RALGPS1: variants seen among roughly 807,000 people sequenced by gnomAD.
RALGPS1 encodes ras-specific guanine nucleotide-releasing factor RalGPS1.
Under a neutral mutation model 78.8 loss-of-function variants are expected in RALGPS1, and 19 were observed. That is an observed-to-expected ratio of 0.24 (90% CI 0.17 to 0.35). The LOEUF (loss-of-function observed/expected upper bound fraction) is 0.35, where lower values mean the gene tolerates loss of function less well. Ranked by LOEUF, RALGPS1 falls within the 10% of genes least tolerant of loss-of-function variation. The pLI is 1.00. For synonymous variants in RALGPS1, 228 were observed against 256.3 expected, an observed-to-expected ratio of 0.89 and a Z score of 1.06; for missense variants, 454 against 688.3, an observed-to-expected ratio of 0.66 and a Z score of 3.81.
At chr9:127,199,811 G>A (rs745809135) in intron 14 of RALGPS1, among the ~76,000 whole-genome samples, 37 of 152,192 alleles carry the variant, frequency 2.4e-4, no homozygotes, top group Non-Finnish European at 1.0e-4. Flanking sequence ...GGCGACTCAG[G>A]GTTTGAGAGG....
chr9:127,088,847 G>A, intron 8 of RALGPS1: 2 of 1,446,708 alleles, frequency 1.4e-6, no homozygotes, highest in South Asian at 1.2e-5. Flanking sequence ...GCCTCAGGAT[G>A]AACTGGTGAG....
At chr9:127,008,870 A>G (rs1026161209) in intron 4 of RALGPS1, among the ~76,000 whole-genome samples, 4 of 152,096 alleles carry the variant, frequency 2.6e-5, no homozygotes, top group African/African-American at 9.7e-5. Context: ...TGCTGCTGCT[A>G]TTTCTTCTCT....
In RALGPS1 at chr9:127,006,759, C is replaced by T. The variant is rs77892436; in HGVS notation, c.217-27672C>T. Among the ~76,000 whole-genome samples, 853 of 152,200 alleles carry T rather than the reference C, an allele frequency of 5.6e-3. 28 individuals are homozygous for T. In the East Asian group the frequency reaches 0.081, roughly 14 times the overall value. ...GCTCAGTGGTGGAGTTAGATATAAA[C>T]CTAGGTGGTCTGGCTCTAGGGTCCA... On this transcript the variant is annotated intron_variant, in intron 4 of 18. Transcript: ENST00000259351.
At chr9:126,929,409 A>G (rs1397763570) in intron 1 of RALGPS1, among the ~76,000 whole-genome samples, 1 of 152,228 alleles carries the variant, frequency 6.6e-6, no homozygotes, top group Non-Finnish European at 1.5e-5. Context: ...GGAGGTGATG[A>G]GGACAAAATA....
chr9:127,009,051 T>C (rs1025606129), intron 4 of RALGPS1, among the ~76,000 whole-genome samples: 1 of 152,228 alleles, frequency 6.6e-6, no homozygotes, highest in African/African-American at 2.4e-5. Context: ...TTGTCACATA[T>C]ACCATTTTTC....
At chr9:127,047,715 G>A (rs1006911277) in intron 5 of RALGPS1, among the ~76,000 whole-genome samples, 1 of 150,626 alleles carries the variant, frequency 6.6e-6, no homozygotes, top group Non-Finnish European at 1.5e-5. Context: ...AAAAAAAAAG[G>A]AAAAAAAGAC....
chr9:127,014,264 A>G (rs1000795909), intron 4 of RALGPS1, among the ~76,000 whole-genome samples: 1 of 152,228 alleles, frequency 6.6e-6, no homozygotes, highest in Non-Finnish European at 1.5e-5. Flanking sequence ...GTATCCCTGT[A>G]TAGATCAAAC....
intron 11 of RALGPS1, among the ~76,000 whole-genome samples, chr9:127,177,605 T>C (rs2140003310): frequency 6.6e-6 from 1 of 152,254 alleles, no homozygotes; most frequent in South Asian, 2.1e-4. Context: ...AGCCCAGGTC[T>C]GCGCTGAGCA....
At chr9:127,001,345 G>A (rs2043292367) in intron 4 of RALGPS1, among the ~76,000 whole-genome samples, 1 of 149,524 alleles carries the variant, frequency 6.7e-6, no homozygotes, top group Non-Finnish European at 1.5e-5. Context: ...TTCTTTTTCT[G>A]ACTTCTTTTT....
chr9:127,220,632 T>G lies in RALGPS1; in HGVS notation c.*1863T>G, dbSNP rs2062748433. The G allele has an allele frequency of 6.6e-6, 1 of 152,232 alleles. No homozygotes were observed. The highest frequency in any genetic ancestry group is 2.4e-5 in the African/African-American group (1 of 41,458). 9.4% of individuals were successfully genotyped at this position (152,232 alleles called of 1,614,324 possible). A position where few individuals can be genotyped will look rare whatever the true frequency, so the allele number is the denominator to read the frequency against. On this transcript the variant is annotated 3_prime_UTR_variant, in exon 19 of 19. Coordinates refer to ENST00000259351, the MANE Select transcript of RALGPS1 (RefSeq NM_014636.3). ...TCAGCATCTAGAGGCTGAATGACAA[T>G]GCCAAACACTCCACCTCTGATCAGA...
intron 4 of RALGPS1, among the ~76,000 whole-genome samples, chr9:126,978,637 T>C (rs1489349773): frequency 6.7e-6 from 1 of 149,800 alleles, no homozygotes; most frequent in Non-Finnish European, 1.5e-5. Context: ...CTGAATAGGC[T>C]GAAGAGGAAT....
chr9:127,207,637 G>T (rs982159892), intron 14 of RALGPS1, among the ~76,000 whole-genome samples: 2 of 152,194 alleles, frequency 1.3e-5, no homozygotes, highest in East Asian at 1.9e-4. Context: ...GACACTTTCG[G>T]TTGTCTGGTT....
At position 126,926,474 on chromosome 9, in the gene RALGPS1, A is replaced by T. The variant is rs1588466415; in HGVS notation, c.-66+11499A>T. ...CAAAGGTACAGAAGCAGGAGGGAGTATGATGTGCTTCAGGGATGGTGGACA... is the reference window on the plus strand; with the variant it reads ...CAAAGGTACAGAAGCAGGAGGGAGTTTGATGTGCTTCAGGGATGGTGGACA... On this transcript the variant is annotated intron_variant, in intron 1 of 18. Coordinates refer to ENST00000259351, the MANE Select transcript of RALGPS1 (RefSeq NM_014636.3). Among the ~76,000 whole-genome samples the T allele has an allele frequency of 1.3e-5, 2 of 152,292 alleles. 1 individual carries two copies. Among genetic ancestry groups the T allele is most frequent in the South Asian group, 4.1e-4 (2 of 4,822 alleles).
At chr9:127,003,659 A>G (rs1309476719) in intron 4 of RALGPS1, among the ~76,000 whole-genome samples, 1 of 151,918 alleles carries the variant, frequency 6.6e-6, no homozygotes, top group African/African-American at 2.4e-5. Context: ...AGCTTAATAG[A>G]TACTGCCAAA....
intron 11 of RALGPS1, among the ~76,000 whole-genome samples, chr9:127,181,924 A>C (rs1363585024): frequency 2.6e-5 from 4 of 151,852 alleles, no homozygotes; most frequent in African/African-American, 7.3e-5. Flanking sequence ...GAGATGTGAA[A>C]TCCCAGAATA....
At position 126,917,207 on chromosome 9, in the gene RALGPS1, T is replaced by C. The variant is rs77937809; in HGVS notation, c.-66+2232T>C. ...CTTGTGTGGCAGGTCCCAGAGGATC[T>C]AGAAGCAGCATGTGAGAGTTCTCCC... On this transcript the variant is annotated intron_variant, in intron 1 of 18. Transcript: ENST00000259351. Among the ~76,000 whole-genome samples the C allele has an allele frequency of 5.7e-3, 863 of 152,280 alleles. 28 individuals are homozygous for C. The East Asian group carries it at 0.083, about 15-fold the overall frequency.
At chr9:127,115,100 A>C (rs2055259077) in intron 8 of RALGPS1, among the ~76,000 whole-genome samples, 1 of 152,200 alleles carries the variant, frequency 6.6e-6, no homozygotes, top group Non-Finnish European at 1.5e-5. Flanking sequence ...GCTGTACTCT[A>C]TCTCATTGGC....
intron 8 of RALGPS1, among the ~76,000 whole-genome samples, chr9:127,127,160 A>G (rs2056673886): frequency 6.6e-6 from 1 of 151,906 alleles, no homozygotes; most frequent in African/African-American, 2.4e-5. Flanking sequence ...CTAACTTTCC[A>G]CCCTCAAAGT....
rs974579905 is a variant in RALGPS1 at position 127,075,161 on chromosome 9, T to C, written c.610+5805T>C. 2.0e-5 allele frequency among the ~76,000 whole-genome samples: 3 copies of C among 152,218 alleles called. No individual in the cohort carries two copies. In the South Asian group the frequency reaches 6.2e-4, roughly 31 times the overall value. On this transcript the variant is annotated intron_variant, in intron 8 of 18. Transcript: ENST00000259351. ...CTTCCCAAGAGGCTCCATGGAGGCC[T>C]CCATCCTCCTGCATTCTTCCTGCTT...
Sources: gnomAD v4.1 joint callset for allele counts (sites outside exome capture counted in the v4.1 genomes callset) on GRCh38, gnomAD v4.1.1 for gene constraint, MANE v1.5 for transcripts, NCBI Gene and HGNC (gene_info 2026-07-23, HGNC 2026-07-21) for gene names.